Variants in PPP1R9A observed in about 807,000 individuals in gnomAD.
PPP1R9A encodes the protein neurabin-1.
A neutral mutation model predicts 141.9 loss-of-function variants in PPP1R9A; 59 were observed. The observed-to-expected ratio is 0.42, with a 90% CI of 0.34 to 0.52. PPP1R9A has a LOEUF of 0.52. Among genes scored for constraint, PPP1R9A ranks in the 20% least tolerant of loss-of-function variants. PPP1R9A has a pLI of 0.10. For missense variants in PPP1R9A, 1,444 were observed against 1,611.9 expected (o/e 0.90, Z 1.78); for synonymous variants, 500 against 569.7 (o/e 0.88, Z 1.74).
At chr7:95,274,777 T>C (rs1802856804) in intron 16 of PPP1R9A, among the ~76,000 whole-genome samples, 1 of 152,208 alleles carries the variant, frequency 6.6e-6, no homozygotes, top group East Asian at 1.9e-4. Context: ...GAGATTTGTA[T>C]AGGGAGTCAG....
chr7:95,021,479 T>A (rs998900507), intron 2 of PPP1R9A, among the ~76,000 whole-genome samples: 19 of 151,570 alleles, frequency 1.3e-4, no homozygotes, highest in Non-Finnish European at 8.8e-5. Flanking sequence ...TTTAATTAGA[T>A]CCCATTTGTC....
chr7:95,150,548 C>T (rs1348452624), intron 4 of PPP1R9A, among the ~76,000 whole-genome samples: 1 of 152,090 alleles, frequency 6.6e-6, no homozygotes, highest in Admixed American at 6.6e-5. Context: ...TGTTATCTGC[C>T]CGTCTGAGCC....
chr7:94,941,039 TTGCAGAAAGA>T (rs1795284577), intron 2 of PPP1R9A, among the ~76,000 whole-genome samples: 1 of 152,138 alleles, frequency 6.6e-6, no homozygotes, highest in Admixed American at 6.6e-5. Context: ...TGTCTTCATT[TTGCAGAAAGA>T]AAAGTATACT....
At chr7:95,234,278 A>G (rs1412040820) in intron 8 of PPP1R9A, among the ~76,000 whole-genome samples, 1 of 152,158 alleles carries the variant, frequency 6.6e-6, no homozygotes, top group Non-Finnish European at 1.5e-5. Context: ...CTAAAAAACT[A>G]TAAAGACTCA....
chr7:95,165,823 G>C (rs1463162717), intron 5 of PPP1R9A, among the ~76,000 whole-genome samples: 5 of 152,052 alleles, frequency 3.3e-5, no homozygotes. Context: ...GAGGAAGCTG[G>C]TGAGGGCTTA....
chr7:95,111,212 GTTTTT>G (rs759836663), intron 2 of PPP1R9A, 42 bp from the exon 3 acceptor site: 9 of 1,253,534 alleles, frequency 7.2e-6, no homozygotes, highest in Non-Finnish European at 9.7e-6. Context: ...TACCTGGCAG[GTTTTT>G]TTTTTTTTCT....
At chr7:95,261,046 T>C (rs1800353945) in intron 12 of PPP1R9A, among the ~76,000 whole-genome samples, 1 of 152,148 alleles carries the variant, frequency 6.6e-6, no homozygotes, top group Non-Finnish European at 1.5e-5. Context: ...TAAGATAAAA[T>C]TGACTAGGCT....
chr7:94,952,527 C>A (rs1014806024), intron 2 of PPP1R9A, among the ~76,000 whole-genome samples: 11 of 152,124 alleles, frequency 7.2e-5, no homozygotes, highest in Non-Finnish European at 1.5e-4. Context: ...TGAGGAATTG[C>A]CACACTGTCT....
chr7:94,987,516 A>G (rs1461084613), intron 2 of PPP1R9A, among the ~76,000 whole-genome samples: 1 of 152,136 alleles, frequency 6.6e-6, no homozygotes, highest in Non-Finnish European at 1.5e-5. Flanking sequence ...TATTCTATGT[A>G]AATAATTCAA....
At chr7:95,020,621 C>T (rs905560002) in intron 2 of PPP1R9A, among the ~76,000 whole-genome samples, 2 of 152,068 alleles carry the variant, frequency 1.3e-5, no homozygotes, top group Non-Finnish European at 2.9e-5. Flanking sequence ...AGCCACCAGC[C>T]CCCATCCTGT....
At chr7:95,126,032 C>T (rs1479152827) in intron 4 of PPP1R9A, among the ~76,000 whole-genome samples, 1 of 152,122 alleles carries the variant, frequency 6.6e-6, no homozygotes, top group Non-Finnish European at 1.5e-5. Context: ...TCTCTGTGCA[C>T]ACACTCTCAT....
intron 12 of PPP1R9A, among the ~76,000 whole-genome samples, chr7:95,259,179 A>G (rs1018266193): frequency 1.3e-5 from 2 of 152,198 alleles, no homozygotes; most frequent in African/African-American, 4.8e-5. Flanking sequence ...GGATAAATTT[A>G]TGGAATAACT....
At chr7:95,174,212 A>C (rs774603553) in intron 5 of PPP1R9A, among the ~76,000 whole-genome samples, 2 of 152,128 alleles carry the variant, frequency 1.3e-5, no homozygotes, top group African/African-American at 2.4e-5. Context: ...CAATCCTTTC[A>C]ATACCATGTA....
At position 95,294,079 on chromosome 7, in the gene PPP1R9A, T is replaced by C. The variant is rs854544; in HGVS notation, c.*3776T>C. The C allele has an allele frequency of 0.55, 83,076 of 151,916 alleles. 25,302 individuals are homozygous for C. The highest frequency in any genetic ancestry group is 0.7 in the Non-Finnish European group (47,270 of 67,972). 9.4% of individuals were successfully genotyped at this position (151,916 alleles called of 1,614,324 possible). A position where few individuals can be genotyped will look rare whatever the true frequency, so the allele number is the denominator to read the frequency against. On this transcript the variant is annotated 3_prime_UTR_variant, in exon 20 of 20. Coordinates refer to ENST00000433360, the MANE Select transcript of PPP1R9A (RefSeq NM_001166160.2). ...TGAGGGGCATTTTGGTGGGCAGTGG[T>C]CACTAGGGTTCACGTCACCTACTTA...
At chr7:94,990,799 G>A (rs753121311) in intron 2 of PPP1R9A, among the ~76,000 whole-genome samples, 4 of 151,888 alleles carry the variant, frequency 2.6e-5, no homozygotes, top group African/African-American at 7.3e-5. Flanking sequence ...GAGACATGTG[G>A]TGTTTAACTT....
At chr7:95,105,148 C>A (rs576933279) in intron 2 of PPP1R9A, among the ~76,000 whole-genome samples, 1 of 152,240 alleles carries the variant, frequency 6.6e-6, no homozygotes, top group South Asian at 2.1e-4. Context: ...TTTATTTAGA[C>A]CTGCATTGAT....
chr7:95,024,105 C>T (rs1806441191), intron 2 of PPP1R9A, among the ~76,000 whole-genome samples: 1 of 152,150 alleles, frequency 6.6e-6, no homozygotes, highest in South Asian at 2.1e-4. Flanking sequence ...GAGTGAGTTT[C>T]TTAATCCTGA....
At chr7:94,986,870 T>G (rs750766878) in intron 2 of PPP1R9A, among the ~76,000 whole-genome samples, 1 of 152,246 alleles carries the variant, frequency 6.6e-6, no homozygotes, top group Non-Finnish European at 1.5e-5. Flanking sequence ...TCTTTTTTAT[T>G]ATAAGATTGG....
chr7:95,041,712 A>G (rs1258623011), intron 2 of PPP1R9A, among the ~76,000 whole-genome samples: 1 of 152,134 alleles, frequency 6.6e-6, no homozygotes, highest in Non-Finnish European at 1.5e-5. Flanking sequence ...ATTTATTGAC[A>G]TGTCCTTAAG....
Sources: gnomAD v4.1 joint callset for allele counts (sites outside exome capture counted in the v4.1 genomes callset) on GRCh38, gnomAD v4.1.1 for gene constraint, MANE v1.5 for transcripts, NCBI Gene and HGNC (gene_info 2026-07-23, HGNC 2026-07-21) for gene names.